SCN10A: variants seen among roughly 807,000 people sequenced by gnomAD.
The protein encoded by SCN10A is sodium voltage-gated channel alpha subunit 10, also known as sodium channel protein type 10 subunit alpha.
SCN10A carries 162 observed loss-of-function variants against 170.7 expected under a neutral mutation model. The ratio of observed to expected loss-of-function variants is 0.95; its 90% CI spans 0.84 to 1.08. The LOEUF is 1.08. SCN10A is among the 50% of genes least tolerant of loss of function. The pLI is 0.00. For synonymous variants in SCN10A, 985 were observed against 904.6 expected (o/e 1.09, Z -1.59); for missense variants, 2,527 against 2,436.9 (o/e 1.04, Z -0.78).
chr3:38,780,191 T>C (rs1471539544), intron 4 of SCN10A, among the ~76,000 whole-genome samples: 4 of 152,068 alleles, frequency 2.6e-5, no homozygotes, highest in Non-Finnish European at 4.4e-5. Context: ...GTTGCAAAGA[T>C]ATAGATTACT....
intron 23 of SCN10A, among the ~76,000 whole-genome samples, chr3:38,711,482 T>C (rs901021055): frequency 6.6e-6 from 1 of 152,214 alleles, no homozygotes; most frequent in Non-Finnish European, 1.5e-5. Context: ...CTGTTTCTCA[T>C]ACAGCATCAG....
intron 13 of SCN10A, among the ~76,000 whole-genome samples, chr3:38,747,341 C>A (rs541595468): frequency 2.0e-5 from 3 of 152,206 alleles, no homozygotes; most frequent in Non-Finnish European, 2.9e-5. Flanking sequence ...CACTTGTCTT[C>A]TGGGTAATGG....
intron 17 of SCN10A, 61 bp from the exon 18 acceptor site, chr3:38,725,375 T>C: frequency 1.4e-6 from 2 of 1,477,466 alleles, no homozygotes; most frequent in East Asian, 2.3e-5. Flanking sequence ...AGTTCTAAAT[T>C]TGAAGGGATC....
intron 7 of SCN10A, 45 bp from the exon 8 acceptor site, chr3:38,760,792 C>T (rs1251414803): frequency 1.3e-6 from 2 of 1,499,066 alleles, no homozygotes; most frequent in Non-Finnish European, 1.9e-6. Flanking sequence ...GTTCTGAACC[C>T]TCCAACCCAA....
chr3:38,752,122 G>T, intron 12 of SCN10A, 97 bp downstream of exon 12: 2 of 1,135,376 alleles, frequency 1.8e-6, no homozygotes, highest in Non-Finnish European at 2.4e-6. Context: ...CAGGATGATG[G>T]CTAAAGATCC....
intron 5 of SCN10A, among the ~76,000 whole-genome samples, chr3:38,767,642 T>G (rs1427878620): frequency 2.0e-5 from 3 of 152,104 alleles, no homozygotes; most frequent in Non-Finnish European, 4.4e-5. Flanking sequence ...TTATTGAGAT[T>G]TGTTATGTTA....
At chr3:38,799,208 T>G (rs1011841854) in intron 1 of SCN10A, among the ~76,000 whole-genome samples, 1 of 152,154 alleles carries the variant, frequency 6.6e-6, no homozygotes, top group Non-Finnish European at 1.5e-5. Context: ...ACAGATTAGC[T>G]ATAGGGCCAA....
intron 20 of SCN10A, among the ~76,000 whole-genome samples, chr3:38,719,943 C>A (rs2063373015): frequency 6.6e-6 from 1 of 152,218 alleles, no homozygotes. Context: ...CTTCGCTGGG[C>A]TGGAGGAAAC....
intron 1 of SCN10A, among the ~76,000 whole-genome samples, chr3:38,814,080 TA>T (rs2064456929): frequency 6.6e-6 from 1 of 152,046 alleles, no homozygotes; most frequent in African/African-American, 2.4e-5. Flanking sequence ...ATGCACCATG[TA>T]AATAAACACA....
rs573077502 is a variant in SCN10A at position 38,710,365 on chromosome 3, T to C, written c.4143+479A>G. ...TTAGTAGAGATGGGGTTTCACCGTATTGCCCAGGCTGGTCTCCTGAGCTCA... is the reference window on the plus strand; with the variant it reads ...TTAGTAGAGATGGGGTTTCACCGTACTGCCCAGGCTGGTCTCCTGAGCTCA... On this transcript the variant is annotated intron_variant, in intron 24 of 27. Coordinates refer to ENST00000449082, the MANE Select transcript of SCN10A (RefSeq NM_006514.4). Among the ~76,000 whole-genome samples, 157 of 152,212 alleles carry C rather than the reference T, an allele frequency of 1.0e-3. 1 individual carries two copies. The highest frequency in any genetic ancestry group is 3.7e-3 in the African/African-American group (152 of 41,548).
At chr3:38,726,054 C>A (rs545433120) in intron 17 of SCN10A, among the ~76,000 whole-genome samples, 12 of 152,212 alleles carry the variant, frequency 7.9e-5, no homozygotes, top group Non-Finnish European at 1.6e-4. Flanking sequence ...AAGAGGTTAG[C>A]GAGGGTTGAT....
intron 13 of SCN10A, among the ~76,000 whole-genome samples, 167 bp downstream of exon 13, chr3:38,749,906 C>A (rs974807820): frequency 1.2e-4 from 19 of 152,272 alleles, no homozygotes; most frequent in Admixed American, 9.2e-4. Context: ...ATCTAAAAAA[C>A]CACATTGATA....
chr3:38,815,081 T>C (rs572865581), intron 1 of SCN10A, among the ~76,000 whole-genome samples: 1 of 152,290 alleles, frequency 6.6e-6, no homozygotes, highest in Admixed American at 6.5e-5. Context: ...GAATCAAATT[T>C]ACACTAAGTG....
At chr3:38,788,709 A>G (rs1291459055) in intron 4 of SCN10A, among the ~76,000 whole-genome samples, 4 of 152,124 alleles carry the variant, frequency 2.6e-5, no homozygotes, top group Non-Finnish European at 5.9e-5. Flanking sequence ...AATCTCCCCA[A>G]AAATTGCAAT....
Position 38,712,102 on chromosome 3 carries a change from C to T in SCN10A, c.4089+59G>A, listed in dbSNP as rs376057473. On this transcript the variant is annotated intron_variant, in intron 23 of 27. Transcript: ENST00000449082. ...ACATAGCATCTTCTGGGAACCTAGACTCTCCATTTTATTGAGCGGCCAAAG... is the reference window on the plus strand; with the variant it reads ...ACATAGCATCTTCTGGGAACCTAGATTCTCCATTTTATTGAGCGGCCAAAG... The T allele has an allele frequency of 3.6e-5, 56 of 1,552,396 alleles. No individual in the cohort carries two copies. The South Asian group carries it at 5.8e-4, about 16-fold the overall frequency.
intron 2 of SCN10A, 35 bp downstream of exon 2, chr3:38,793,706 A>G (rs2126061572): frequency 6.3e-7 from 1 of 1,593,156 alleles, no homozygotes; most frequent in Non-Finnish European, 8.6e-7. Flanking sequence ...CCTCTCCAAG[A>G]GCTGAGAGCA....
chr3:38,739,677 T>C lies in SCN10A; in HGVS notation c.2118A>G (p.Ile706Met), dbSNP rs1418024595. The C allele has an allele frequency of 2.5e-6, 4 of 1,613,706 alleles. No individual in the cohort carries two copies. Among genetic ancestry groups the C allele is most frequent in the African/African-American group, 1.3e-5 (1 of 74,994 alleles). The change falls in exon 15 of 28, where the codon ATA becomes ATG. Residue 706 changes from isoleucine to methionine, a missense_variant. Physicochemically the swap from Ile to Met is conservative, Grantham distance 10. Coordinates refer to ENST00000449082, the MANE Select transcript of SCN10A (RefSeq NM_006514.4). ...TGAAGACCATTTCAGCAGTAAAAAA[T>C]ATGGTAAAGACCTAGGAGTGGAAAC... ...MLQIGNIVFT[I>M]FFTAEMVFKI...
At chr3:38,722,125 C>T in intron 20 of SCN10A, 133 bp downstream of exon 20, 1 of 874,266 alleles carries the variant, frequency 1.1e-6, no homozygotes, top group Non-Finnish European at 1.7e-6. Context: ...GGCTGCAGCT[C>T]TCCTTCTAGT....
At chr3:38,730,879 A>G (rs564139682) in intron 15 of SCN10A, among the ~76,000 whole-genome samples, 16 of 152,320 alleles carry the variant, frequency 1.1e-4, no homozygotes, top group African/African-American at 3.6e-4. Flanking sequence ...AGAGGATAGA[A>G]TGAGAGAGTT....
Sources: allele counts gnomAD v4.1 joint callset (sites outside exome capture counted in the v4.1 genomes callset), GRCh38; gene constraint gnomAD v4.1.1; transcripts MANE v1.5; gene names NCBI Gene and HGNC (gene_info 2026-07-23, HGNC 2026-07-21).